The following PPEF1 variants were observed in gnomAD, a reference collection of about 807,000 sequenced individuals.
PPEF1 encodes serine/threonine-protein phosphatase with EF-hands 1.
PPEF1 carries 12 observed loss-of-function variants against 53.3 expected under a neutral mutation model. The ratio of observed to expected loss-of-function variants is 0.23; its 90% CI spans 0.14 to 0.36. The LOEUF is 0.36. Ranked by LOEUF, PPEF1 falls within the 10% of genes least tolerant of loss-of-function variation. The pLI is 1.00. For synonymous variants in PPEF1, 165 were observed against 176.7 expected (o/e 0.93, Z 0.52); for missense variants, 334 against 490.4 (o/e 0.68, Z 3.01).
At chrX:18,801,704 C>T (rs937150373) in intron 10 of PPEF1, among the ~76,000 whole-genome samples, 1 of 111,261 alleles carries the variant, frequency 9.0e-6, no homozygotes, top group Non-Finnish European at 1.9e-5. Context: ...CATTACAGGC[C>T]GGGTGCAGTG....
At chrX:18,702,104 C>T (rs577194128) in intron 6 of PPEF1, among the ~76,000 whole-genome samples, 3 of 111,957 alleles carry the variant, frequency 2.7e-5, no homozygotes, top group East Asian at 2.8e-4. Context: ...CTCTCTGGCA[C>T]GGGCTGCCAG....
intron 3 of PPEF1, among the ~76,000 whole-genome samples, chrX:18,740,981 A>G (rs2045145807): frequency 9.5e-6 from 1 of 104,946 alleles, no homozygotes; most frequent in Non-Finnish European, 1.9e-5. Context: ...CATCTTTTAA[A>G]TAATCTGGTA....
chrX:18,803,713 A>G (rs748643507), intron 10 of PPEF1, among the ~76,000 whole-genome samples, 179 bp from the exon 11 acceptor site: 5 of 112,057 alleles, frequency 4.5e-5, no homozygotes, highest in Non-Finnish European at 9.4e-5. Context: ...CACCTCAGCC[A>G]CCCAAAGTGC....
At chrX:18,770,305 A>G (rs142913519) in intron 6 of PPEF1, among the ~76,000 whole-genome samples, 290 of 111,548 alleles carry the variant, frequency 2.6e-3, no homozygotes, top group Middle Eastern at 4.6e-3. Flanking sequence ...AGTGGATTCA[A>G]ACCCAAACTA....
Position 18,724,388 on chromosome X carries a change from G to T in PPEF1, c.47-5793G>T, listed in dbSNP as rs190276088. On this transcript the variant is annotated intron_variant, in intron 1 of 15. Transcript: ENST00000470157. ...TCACTCTGAATTCATTATTTGTCTT[G>T]CTCACTAACCCCGTACATGACTATT... Among the ~76,000 whole-genome samples the T allele has an allele frequency of 8.5e-3, 945 of 111,734 alleles. 9 individuals carry two copies. The highest frequency in any genetic ancestry group is 0.029 in the African/African-American group (897 of 30,761).
Position 18,818,863 on chromosome X carries a change from A to G in PPEF1, c.1501+718A>G, listed in dbSNP as rs747819530. On this transcript the variant is annotated intron_variant, in intron 13 of 15. Transcript: ENST00000470157. ...AGAGCATGGAGCAACAAGAAAGCAC[A>G]AAAGACTAGATTTTCCTGGGGCCCA... is the stretch of plus-strand genomic sequence containing the variant. Among the ~76,000 whole-genome samples the G allele has an allele frequency of 4.5e-5, 5 of 112,265 alleles. No individual in the cohort carries two copies. The East Asian group carries it at 1.4e-3, about 31-fold the overall frequency.
intron 10 of PPEF1, among the ~76,000 whole-genome samples, chrX:18,795,459 G>A (rs180892851): frequency 2.7e-5 from 3 of 112,273 alleles, no homozygotes; most frequent in Non-Finnish European, 5.6e-5. Context: ...AATAAGCCAT[G>A]TACTCATCTT....
chrX:18,760,427 C>G (rs2045637504), intron 5 of PPEF1, among the ~76,000 whole-genome samples: 1 of 110,992 alleles, frequency 9.0e-6, no homozygotes, highest in Admixed American at 9.7e-5. Context: ...ATATTAAAAA[C>G]ACGGCTTTAA....
At chrX:18,682,527 C>T (rs1157826459), upstream of PPEF1, among the ~76,000 whole-genome samples, 2 of 111,578 alleles carry the variant, frequency 1.8e-5, no homozygotes, top group African/African-American at 6.5e-5. Flanking sequence ...GAGCGGACAC[C>T]AAGGGATCCC....
chrX:18,701,055 C>G (rs757818428), intron 6 of PPEF1, among the ~76,000 whole-genome samples: 4 of 111,178 alleles, frequency 3.6e-5, no homozygotes, highest in Non-Finnish European at 5.7e-5. Flanking sequence ...TTATTTGAGT[C>G]TCAGTTTTGT....
At chrX:18,793,098 A>G (rs997696477) in intron 10 of PPEF1, among the ~76,000 whole-genome samples, 1 of 106,240 alleles carries the variant, frequency 9.4e-6, no homozygotes, top group Non-Finnish European at 1.9e-5. Flanking sequence ...TCTTTTTTTC[A>G]GTTTCCTTAG....
chrX:18,740,066 C>T (rs900035431), intron 3 of PPEF1, among the ~76,000 whole-genome samples: 16 of 112,381 alleles, frequency 1.4e-4, no homozygotes, highest in Admixed American at 1.9e-4. Flanking sequence ...GGGAATTCCC[C>T]GACCCCTTGC....
chrX:18,763,225 C>T (rs1241202182), intron 6 of PPEF1, among the ~76,000 whole-genome samples: 1 of 111,638 alleles, frequency 9.0e-6, no homozygotes, highest in African/African-American at 3.3e-5. Flanking sequence ...ATCTTGTCTC[C>T]TGCTAAATCA....
intron 10 of PPEF1, among the ~76,000 whole-genome samples, chrX:18,800,601 T>C (rs182286962): frequency 7.1e-5 from 8 of 112,338 alleles, no homozygotes; most frequent in African/African-American, 2.6e-4. Context: ...ACAGATACTC[T>C]TTGATTTATG....
At chrX:18,733,697 A>C (rs750198887) in intron 2 of PPEF1, 51 bp from the exon 3 acceptor site, 31 of 1,013,534 alleles carry the variant, frequency 3.1e-5, no homozygotes, top group Non-Finnish European at 4.2e-5. Flanking sequence ...CATTTGTCAC[A>C]GTAGCTGTTT....
chrX:18,787,508 C>T (rs183740229), intron 9 of PPEF1, among the ~76,000 whole-genome samples: 4 of 110,973 alleles, frequency 3.6e-5, no homozygotes, highest in Admixed American at 2.9e-4. Flanking sequence ...GGAAAATGGT[C>T]GTGTAGTGCC....
chrX:18,750,958 T>A (rs1426677930), intron 4 of PPEF1, among the ~76,000 whole-genome samples: 2 of 112,068 alleles, frequency 1.8e-5, no homozygotes, highest in Admixed American at 9.5e-5. Context: ...AGCATCTTTT[T>A]ATGTATTTAT....
chrX:18,822,876 T>A (rs1392769614), intron 13 of PPEF1, among the ~76,000 whole-genome samples: 1 of 111,591 alleles, frequency 9.0e-6, no homozygotes, highest in Non-Finnish European at 1.9e-5. Context: ...GATTTTTCAG[T>A]AGATCTTGAG....
At chrX:18,816,569 A>G (rs939869287) in intron 12 of PPEF1, among the ~76,000 whole-genome samples, 5 of 111,649 alleles carry the variant, frequency 4.5e-5, no homozygotes, top group African/African-American at 1.6e-4. Flanking sequence ...GTGCTGTTCA[A>G]GACTTCTCTT....
Sources: allele counts gnomAD v4.1 joint callset (sites outside exome capture counted in the v4.1 genomes callset), GRCh38; gene constraint gnomAD v4.1.1; transcripts MANE v1.5; gene names NCBI Gene and HGNC (gene_info 2026-07-23, HGNC 2026-07-21).